GLCCI1: variants seen among roughly 807,000 people sequenced by gnomAD.
GLCCI1 encodes glucocorticoid induced 1, also known as glucocorticoid-induced transcript 1 protein.
In GLCCI1, 24 loss-of-function variants were observed where a neutral mutation model predicts 52.2. The ratio of observed to expected loss-of-function variants is 0.46; its 90% CI spans 0.33 to 0.65. The LOEUF is 0.65. Ranked by LOEUF, GLCCI1 falls within the 30% of genes least tolerant of loss-of-function variation. The pLI, the probability that GLCCI1 is intolerant of heterozygous loss-of-function variation, is 0.02. For missense variants in GLCCI1, 704 were observed against 701.5 expected (o/e 1.00, Z -0.04); for synonymous variants, 310 against 276.5 (o/e 1.12, Z -1.20).
chr7:7,982,314 T>C (rs1190403966), intron 1 of GLCCI1: 1 of 191,318 alleles, frequency 5.2e-6, no homozygotes, highest in Non-Finnish European at 1.1e-5. Flanking sequence ...GTTCAGATTT[T>C]GTGTCAGAGC....
intron 6 of GLCCI1, among the ~76,000 whole-genome samples, chr7:8,077,761 C>T (rs963325127): frequency 6.6e-6 from 1 of 152,062 alleles, no homozygotes; most frequent in African/African-American, 2.4e-5. Flanking sequence ...GTCTACATGC[C>T]AACAAAGATA....
intron 2 of GLCCI1, among the ~76,000 whole-genome samples, chr7:8,014,357 T>C (rs942492760): frequency 2.0e-5 from 3 of 152,200 alleles, no homozygotes; most frequent in African/African-American, 7.2e-5. Flanking sequence ...GGACAAGGTA[T>C]ACTGACATTT....
intron 2 of GLCCI1, among the ~76,000 whole-genome samples, chr7:8,011,671 C>A (rs1030485464): frequency 3.9e-5 from 6 of 152,166 alleles, no homozygotes; most frequent in Middle Eastern, 3.2e-3. Context: ...AGAAGTAGAA[C>A]TGCTAGATCA....
intron 3 of GLCCI1, chr7:8,024,814 G>T (rs569941168): frequency 6.6e-6 from 1 of 152,246 alleles, no homozygotes; most frequent in South Asian, 2.1e-4. Context: ...ATGAACATAG[G>T]GTAAGAATAG....
chr7:7,993,569 C>T lies in GLCCI1; in HGVS notation c.458-10339C>T, dbSNP rs114682106. Among the ~76,000 whole-genome samples, 549 of 152,220 alleles carry T rather than the reference C, an allele frequency of 3.6e-3. 3 individuals carry two copies. The highest frequency in any genetic ancestry group is 0.012 in the African/African-American group (517 of 41,534). ...GTTTGGCTACTATTCTAGATTGGCC[C>T]TTTACATTTACCCATTAGTGAATTG... On this transcript the variant is annotated intron_variant, in intron 1 of 7. Transcript: ENST00000223145.
intron 1 of GLCCI1, among the ~76,000 whole-genome samples, chr7:7,993,089 T>G (rs1780873388): frequency 6.6e-6 from 1 of 152,222 alleles, no homozygotes. Flanking sequence ...CTTTCATTAT[T>G]CATAGGGACA....
In GLCCI1 at chr7:7,970,187, CT is replaced by C. The variant is rs777400235; in HGVS notation, c.457+381del. The stretch of plus-strand genomic sequence containing the variant: ...AGGTGGCGGTTGTAATCTCTACCGT[CT>C]CTTTGTGCTTTTCTGCAAAGTTCCT... On this transcript the variant is annotated intron_variant, in intron 1 of 7. Coordinates refer to ENST00000223145, the MANE Select transcript of GLCCI1 (RefSeq NM_138426.4). Among the ~76,000 whole-genome samples, 4 of 152,352 alleles carry C rather than the reference CT, an allele frequency of 2.6e-5. No individual in the cohort carries two copies. The East Asian group carries it at 5.8e-4, about 22-fold the overall frequency.
intron 3 of GLCCI1, among the ~76,000 whole-genome samples, chr7:8,042,881 C>T (rs1228062084): frequency 1.3e-5 from 2 of 152,120 alleles, no homozygotes; most frequent in African/African-American, 2.4e-5. Flanking sequence ...AAAAGAAGTC[C>T]TGCGAGTAAA....
At chr7:8,080,598 C>G (rs569211178) in intron 6 of GLCCI1, among the ~76,000 whole-genome samples, 1 of 151,436 alleles carries the variant, frequency 6.6e-6, no homozygotes, top group African/African-American at 2.5e-5. Flanking sequence ...TTCTGCTTCT[C>G]TCTCAGAAAT....
chr7:8,034,880 G>A (rs936069490), intron 3 of GLCCI1, among the ~76,000 whole-genome samples: 1 of 152,168 alleles, frequency 6.6e-6, no homozygotes, highest in Non-Finnish European at 1.5e-5. Context: ...CCCAAACACT[G>A]GTGTGGGTGG....
At chr7:8,001,144 T>C (rs1781042464) in intron 1 of GLCCI1, among the ~76,000 whole-genome samples, 1 of 152,194 alleles carries the variant, frequency 6.6e-6, no homozygotes, top group Non-Finnish European at 1.5e-5. Context: ...CGGTGGTCTT[T>C]ACAATTTGGC....
intron 6 of GLCCI1, among the ~76,000 whole-genome samples, chr7:8,077,385 G>A (rs1468639557): frequency 2.6e-5 from 4 of 152,186 alleles, no homozygotes; most frequent in African/African-American, 9.7e-5. Context: ...TATTAGATTG[G>A]AAGGAACTTG....
chr7:8,040,848 A>G (rs1184650158), intron 3 of GLCCI1, among the ~76,000 whole-genome samples: 1 of 152,214 alleles, frequency 6.6e-6, no homozygotes, highest in East Asian at 1.9e-4. Context: ...GCTTTGCTTC[A>G]TCAACTATCA....
intron 5 of GLCCI1, among the ~76,000 whole-genome samples, chr7:8,069,033 CAGTGCTCTGA>C (rs1366046293): frequency 1.2e-4 from 19 of 152,212 alleles, no homozygotes. Flanking sequence ...CGCTCCCTGT[CAGTGCTCTGA>C]AAGTGTGGGC....
In GLCCI1 at chr7:8,022,538, C is replaced by T. The variant is rs777220141; in HGVS notation, c.665C>T (p.Ala222Val). 6.3e-6 allele frequency: 10 copies of T among 1,581,880 alleles called. No homozygotes were observed. The highest frequency in any genetic ancestry group is 4.7e-5 in the East Asian group (2 of 42,674). ...GAAAAGAGGTCACATCAGCGTTCTGCGTCATGGGGGAGTGCTGATCAACTA... is the reference window on the plus strand; with the variant it reads ...GAAAAGAGGTCACATCAGCGTTCTGTGTCATGGGGGAGTGCTGATCAACTA... The part of the protein sequence containing the change: ...GAEKRSHQRS[A>V]SWGSADQLKE... Residue 222 changes from alanine (A) to valine (V), a missense_variant, in exon 3 of 8, where the codon GCG becomes GTG. Around this residue, in one of 3 missense-constraint regions of GLCCI1, gnomAD observed 547 missense variants for 524.8 expected, o/e 1.04. Coordinates refer to ENST00000223145, the MANE Select transcript of GLCCI1 (RefSeq NM_138426.4).
At chr7:7,971,700 C>T (rs1780356888) in intron 1 of GLCCI1, among the ~76,000 whole-genome samples, 1 of 152,168 alleles carries the variant, frequency 6.6e-6, no homozygotes, top group Non-Finnish European at 1.5e-5. Context: ...ATTACATGCT[C>T]CATCATCAAG....
Position 8,003,979 on chromosome 7 carries a change from A to G in GLCCI1, c.529A>G (p.Thr177Ala). The change falls in exon 2 of 8, where the codon ACA becomes GCA. Residue 177 changes from threonine to alanine, a missense_variant. By Grantham distance (58) the Thr-to-Ala change is moderately conservative. Around this residue, in one of 3 missense-constraint regions of GLCCI1, gnomAD observed 547 missense variants for 524.8 expected, o/e 1.04. Coordinates refer to ENST00000223145, the MANE Select transcript of GLCCI1 (RefSeq NM_138426.4). ...GCGAACCTCCTCTTTGGATACAATA[A>G]CAGGACCTTACCTCACAGGACAGTG... ...IRRTSSLDTI[T>A]GPYLTGQWPR... 1 of 1,613,932 alleles carries G rather than the reference A, an allele frequency of 6.2e-7. No individual in the cohort carries two copies. The highest frequency in any genetic ancestry group is 8.5e-7 in the Non-Finnish European group (1 of 1,179,866).
chr7:8,053,689 T>G (rs1478397167), intron 3 of GLCCI1, among the ~76,000 whole-genome samples: 2 of 152,054 alleles, frequency 1.3e-5, no homozygotes, highest in Admixed American at 6.6e-5. Flanking sequence ...GTTTCAAGTT[T>G]AAATTAGGCA....
At chr7:8,017,165 A>G (rs1366820899) in intron 2 of GLCCI1, among the ~76,000 whole-genome samples, 1 of 152,190 alleles carries the variant, frequency 6.6e-6, no homozygotes, top group Non-Finnish European at 1.5e-5. Flanking sequence ...TAGTTATCCT[A>G]TTGGTGATAT....
Sources: allele counts gnomAD v4.1 joint callset (sites outside exome capture counted in the v4.1 genomes callset), GRCh38; gene constraint gnomAD v4.1.1; regional missense constraint gnomAD v4.1.1; transcripts MANE v1.5; gene names NCBI Gene and HGNC (gene_info 2026-07-23, HGNC 2026-07-21).